Variants in FILIP1L observed in about 807,000 individuals in gnomAD.
FILIP1L encodes the protein filamin A-interacting protein 1-like.
A neutral mutation model predicts 96.6 loss-of-function variants in FILIP1L; 55 were observed. That is an observed-to-expected ratio of 0.57 (90% CI 0.46 to 0.71). FILIP1L has a LOEUF of 0.71. Among genes scored for constraint, FILIP1L ranks in the 30% least tolerant of loss-of-function variants. The pLI is 0.00. For missense variants in FILIP1L, 1,304 were observed against 1,321.2 expected, an observed-to-expected ratio of 0.99 and a Z score of 0.20; for synonymous variants, 467 against 473.9, an observed-to-expected ratio of 0.99 and a Z score of 0.19.
rs143352360 is a variant in FILIP1L, at chr3:99,952,356, T to G, written c.-10-21326A>C. ...ATTATCACTATACAATTCAAACATT[T>G]TCCTCAGCTGTTCTTCTGCCAGTCA... On this transcript the variant is annotated intron_variant, in intron 1 of 5. Coordinates refer to ENST00000477258, the MANE Select transcript of FILIP1L (RefSeq NM_001387850.1). Among the ~76,000 whole-genome samples, 634 of 152,284 alleles carry G rather than the reference T, an allele frequency of 4.2e-3. 4 individuals carry two copies. Among genetic ancestry groups the G allele is most frequent in the African/African-American group, 0.015 (605 of 41,558 alleles).
intron 4 of FILIP1L, among the ~76,000 whole-genome samples, chr3:99,890,408 G>C (rs1349661319): frequency 1.3e-5 from 2 of 152,016 alleles, no homozygotes; most frequent in Non-Finnish European, 2.9e-5. Context: ...TTCAGTTCTA[G>C]AAAATTCTTA....
At chr3:99,967,357 T>C (rs558361285) in intron 1 of FILIP1L, among the ~76,000 whole-genome samples, 164 of 152,344 alleles carry the variant, frequency 1.1e-3, no homozygotes, top group African/African-American at 3.8e-3. Flanking sequence ...CAAAGCACTT[T>C]ACATGCATTG....
intron 4 of FILIP1L, among the ~76,000 whole-genome samples, chr3:99,897,291 C>T (rs936824962): frequency 6.6e-6 from 1 of 151,948 alleles, no homozygotes; most frequent in East Asian, 1.9e-4. Context: ...CCCAGGAGGC[C>T]TCCGCGGGAG....
At chr3:99,901,600 T>C (rs1457422454) in intron 4 of FILIP1L, among the ~76,000 whole-genome samples, 1 of 152,238 alleles carries the variant, frequency 6.6e-6, no homozygotes, top group Non-Finnish European at 1.5e-5. Context: ...TAATATTACA[T>C]AGTTTACACT....
Position 100,014,895 on chromosome 3 carries a change from C to CTT in FILIP1L, c.-10-83867_-10-83866dup, listed in dbSNP as rs1233573719. 3.9e-3 allele frequency among the ~76,000 whole-genome samples: 98 copies of CTT among 25,004 alleles called. 2 individuals carry two copies. Among genetic ancestry groups the CTT allele is most frequent in the African/African-American group, 0.012 (66 of 5,706 alleles). The allele number at this position is 25,004 out of a possible 152,430, so 16.4% of individuals were successfully genotyped here. A position where few individuals can be genotyped will look rare whatever the true frequency, so the allele number is the denominator to read the frequency against. On this transcript the variant is annotated intron_variant, in intron 1 of 5. Transcript: ENST00000477258. ...TTTTCTTTTTTTTTTTTCTTTCTTTCTTTTTTTTTTTTTTTTTTTTTTTGC... is the reference window on the plus strand; with the variant it reads ...TTTTCTTTTTTTTTTTTCTTTCTTTCTTTTTTTTTTTTTTTTTTTTTTTTTGC...
At chr3:99,890,893 C>G (rs937554406) in intron 4 of FILIP1L, among the ~76,000 whole-genome samples, 1 of 152,008 alleles carries the variant, frequency 6.6e-6, no homozygotes, top group Non-Finnish European at 1.5e-5. Context: ...TCACGTATCT[C>G]AGAATTTTAT....
chr3:99,960,533 TC>T (rs1708459884), intron 1 of FILIP1L, among the ~76,000 whole-genome samples: 1 of 152,166 alleles, frequency 6.6e-6, no homozygotes, highest in Non-Finnish European at 1.5e-5. Context: ...AGTGAAATAA[TC>T]TCCCTCCTCA....
chr3:99,930,785 A>T lies in FILIP1L; in HGVS notation c.236T>A (p.Leu79Gln), dbSNP rs1707453150. The change falls in exon 2 of 6, where the codon CTG becomes CAG. Residue 79 changes from leucine (L) to glutamine (Q), a missense_variant. By Grantham distance (113) the Leu-to-Gln change is moderately radical. Transcript: ENST00000477258. ...CCAGCTGACCTGCAGTTCTCCCTCC[A>T]GAATGCTGAGGAGAAATAACAGGTC... ...RDDLLFLLSILEGELQARDEV... is the reference protein window; with the variant it reads ...RDDLLFLLSIQEGELQARDEV... 2 of 1,613,296 alleles carry T rather than the reference A, an allele frequency of 1.2e-6. No homozygotes were observed. The highest frequency in any genetic ancestry group is 8.5e-7 in the Non-Finnish European group (1 of 1,179,874).
intron 1 of FILIP1L, among the ~76,000 whole-genome samples, chr3:100,057,500 T>C (rs2065485399): frequency 6.6e-6 from 1 of 152,230 alleles, no homozygotes. Flanking sequence ...TGTTCTTGGG[T>C]AACACTAAAA....
rs200211155 is a variant in FILIP1L at position 100,061,136 on chromosome 3, A to AT, written c.-11+52916dup. 1.1e-3 allele frequency among the ~76,000 whole-genome samples: 160 copies of AT among 151,742 alleles called. 1 individual carries two copies. Among genetic ancestry groups the AT allele is most frequent in the Admixed American group, 3.1e-3 (47 of 15,234 alleles). Reference sequence around the variant, plus strand: ...ATCAAGGCAGAAAGGCACTGTTAAAATTTAAAAAAAAAAAAAATTTTAAAA... The same window carrying AT: ...ATCAAGGCAGAAAGGCACTGTTAAAATTTTAAAAAAAAAAAAAATTTTAAAA... On this transcript the variant is annotated intron_variant, in intron 1 of 5. Coordinates refer to ENST00000477258, the MANE Select transcript of FILIP1L (RefSeq NM_001387850.1).
intron 1 of FILIP1L, among the ~76,000 whole-genome samples, chr3:100,087,997 AT>A (rs897873042): frequency 2.0e-4 from 30 of 152,022 alleles, no homozygotes; most frequent in African/African-American, 6.5e-4. Flanking sequence ...TGCCTGGCTA[AT>A]TTTTATATTT....
intron 4 of FILIP1L, among the ~76,000 whole-genome samples, chr3:99,876,867 G>GA (rs1001540466): frequency 6.6e-6 from 1 of 151,908 alleles, no homozygotes; most frequent in Non-Finnish European, 1.5e-5. Context: ...TTTTGGCAGG[G>GA]AAAAAATTTT....
At chr3:99,985,851 A>C (rs1047507380) in intron 1 of FILIP1L, among the ~76,000 whole-genome samples, 1 of 152,160 alleles carries the variant, frequency 6.6e-6, no homozygotes, top group Non-Finnish European at 1.5e-5. Flanking sequence ...GGCCTCCCAA[A>C]GTACTGGGAT....
intron 1 of FILIP1L, among the ~76,000 whole-genome samples, chr3:100,058,243 G>A (rs942076021): frequency 1.3e-5 from 2 of 152,190 alleles, no homozygotes; most frequent in Non-Finnish European, 2.9e-5. Flanking sequence ...AAATTAAGAG[G>A]CATCTGAATA....
At chr3:99,963,633 A>G (rs1208623975) in intron 1 of FILIP1L, among the ~76,000 whole-genome samples, 1 of 151,472 alleles carries the variant, frequency 6.6e-6, no homozygotes, top group African/African-American at 2.4e-5. Flanking sequence ...TTTTTTTTAG[A>G]CGGAGTGTCG....
At chr3:100,082,475 T>C (rs1267823712) in intron 1 of FILIP1L, among the ~76,000 whole-genome samples, 2 of 152,202 alleles carry the variant, frequency 1.3e-5, no homozygotes, top group African/African-American at 4.8e-5. Flanking sequence ...GTTTCTATTT[T>C]CTTCTATCAG....
Position 99,930,768 on chromosome 3 carries a change from C to A in FILIP1L, c.252+1G>T. 1 of 1,613,100 alleles carries A rather than the reference C, an allele frequency of 6.2e-7. No individual in the cohort carries two copies. Among genetic ancestry groups the A allele is most frequent in the Non-Finnish European group, 8.5e-7 (1 of 1,179,658 alleles). On this transcript the variant is annotated splice_donor_variant, in intron 2 of 5. Coordinates refer to ENST00000477258, the MANE Select transcript of FILIP1L (RefSeq NM_001387850.1). LOFTEE classifies it high-confidence loss of function. ...ATGGGGATAACTCCAACCCAGCTGA[C>A]CTGCAGTTCTCCCTCCAGAATGCTG...
At position 100,013,261 on chromosome 3, in the gene FILIP1L, T is replaced by TTGTTG. The variant is rs1559725244; in HGVS notation, c.-10-82232_-10-82231insCAACA. Among the ~76,000 whole-genome samples the TTGTTG allele has an allele frequency of 3.4e-4, 45 of 132,142 alleles. No individual in the cohort carries two copies. In the East Asian group the frequency reaches 0.01, roughly 30 times the overall value. 86.7% of individuals were successfully genotyped at this position (132,142 alleles called of 152,430 possible). ...TGTTGTTGTTGTTGTTGTTGTTGTTTGAGATGGAGTCTTGCTCTGTCACCC... is the reference window on the plus strand; with the variant it reads ...TGTTGTTGTTGTTGTTGTTGTTGTTTTGTTGGAGATGGAGTCTTGCTCTGTCACCC... On this transcript the variant is annotated intron_variant, in intron 1 of 5. Coordinates refer to ENST00000477258, the MANE Select transcript of FILIP1L (RefSeq NM_001387850.1).
intron 1 of FILIP1L, among the ~76,000 whole-genome samples, chr3:100,100,068 G>A (rs902415415): frequency 6.6e-6 from 1 of 152,158 alleles, no homozygotes; most frequent in African/African-American, 2.4e-5. Context: ...ACTGAGGAGT[G>A]GGCAAGTGTG....
Sources: allele counts gnomAD v4.1 joint callset (sites outside exome capture counted in the v4.1 genomes callset), GRCh38; gene constraint gnomAD v4.1.1; transcripts MANE v1.5; gene names NCBI Gene and HGNC (gene_info 2026-07-23, HGNC 2026-07-21).